SGCZ: variants seen among roughly 807,000 people sequenced by gnomAD.
The protein encoded by SGCZ is sarcoglycan zeta.
A neutral mutation model predicts 41.3 loss-of-function variants in SGCZ; 40 were observed. That is an observed-to-expected ratio of 0.97 (90% CI 0.75 to 1.26). The LOEUF is 1.26. SGCZ is among the 50% of genes most tolerant of loss of function. The pLI is 0.00. For missense variants in SGCZ, 552 were observed against 369.8 expected (o/e 1.49, Z -4.04); for synonymous variants, 206 against 137.5 (o/e 1.50, Z -3.49).
At chr8:14,476,965 A>G (rs1801380006) in intron 2 of SGCZ, among the ~76,000 whole-genome samples, 1 of 152,184 alleles carries the variant, frequency 6.6e-6, no homozygotes, top group African/African-American at 2.4e-5. Flanking sequence ...GGCTGTAACC[A>G]TACTTGCTAT....
intron 2 of SGCZ, among the ~76,000 whole-genome samples, chr8:14,338,339 C>T (rs1372429849): frequency 6.6e-6 from 1 of 152,164 alleles, no homozygotes; most frequent in East Asian, 1.9e-4. Flanking sequence ...GCATCCTTGT[C>T]AGCAGAATAA....
chr8:14,868,822 T>C (rs890816923), intron 1 of SGCZ, among the ~76,000 whole-genome samples: 1 of 151,906 alleles, frequency 6.6e-6, no homozygotes, highest in South Asian at 2.1e-4. Flanking sequence ...TCTACGCAAA[T>C]AAATTTGAAA....
chr8:14,935,670 A>G (rs1380668077), intron 1 of SGCZ, among the ~76,000 whole-genome samples: 1 of 151,918 alleles, frequency 6.6e-6, no homozygotes, highest in African/African-American at 2.4e-5. Flanking sequence ...AATAAAATAA[A>G]TACAACAAAA....
At chr8:14,372,544 G>A (rs773694640) in intron 2 of SGCZ, among the ~76,000 whole-genome samples, 10 of 152,108 alleles carry the variant, frequency 6.6e-5, no homozygotes, top group African/African-American at 2.4e-4. Flanking sequence ...ATGAATAACA[G>A]AAAGTGGACA....
Position 15,022,139 on chromosome 8 carries a change from T to C in SGCZ, c.39+215446A>G, listed in dbSNP as rs538022452. On this transcript the variant is annotated intron_variant, in intron 1 of 7. Transcript: ENST00000382080. ...TAACAATGATAATTTCAAACTCTTC[T>C]ATCTGTCTTTATATGAATTTCATAT... is the stretch of plus-strand genomic sequence containing the variant. Among the ~76,000 whole-genome samples, 3 of 152,304 alleles carry C rather than the reference T, an allele frequency of 2.0e-5. No individual in the cohort carries two copies. In the East Asian group the frequency reaches 5.8e-4, roughly 29 times the overall value.
chr8:14,353,700 C>G (rs906610132), intron 2 of SGCZ, among the ~76,000 whole-genome samples: 1 of 152,090 alleles, frequency 6.6e-6, no homozygotes, highest in African/African-American at 2.4e-5. Flanking sequence ...AACCTTCTAA[C>G]TGGTCTTCCT....
chr8:15,052,398 G>A (rs568092206), intron 1 of SGCZ, among the ~76,000 whole-genome samples: 10 of 152,304 alleles, frequency 6.6e-5, no homozygotes, highest in African/African-American at 2.4e-4. Context: ...GTGAGTGAGG[G>A]TGGTGGGTGG....
Position 14,375,141 on chromosome 8 carries a change from G to GACAGACAA in SGCZ, c.235-50938_235-50937insTTGTCTGT, listed in dbSNP as rs1488129947. ...AGACAGACAGACAGACAGACAGACA[G>GACAGACAA]ACAGATAGATATTTGGCATGGATTG... On this transcript the variant is annotated intron_variant, in intron 2 of 7. Transcript: ENST00000382080. 6.8e-3 allele frequency among the ~76,000 whole-genome samples: 994 copies of GACAGACAA among 146,464 alleles called. 13 individuals are homozygous for GACAGACAA. The highest frequency in any genetic ancestry group is 0.025 in the African/African-American group (938 of 37,138).
chr8:14,646,636 C>T (rs1187950282), intron 1 of SGCZ, among the ~76,000 whole-genome samples: 1 of 149,530 alleles, frequency 6.7e-6, no homozygotes, highest in Non-Finnish European at 1.5e-5. Context: ...AATTTCTGAA[C>T]TTCTTTCCAC....
At chr8:14,337,181 T>C (rs891652518) in intron 2 of SGCZ, among the ~76,000 whole-genome samples, 2 of 152,106 alleles carry the variant, frequency 1.3e-5, no homozygotes, top group Non-Finnish European at 2.9e-5. Flanking sequence ...ATGGAAGACA[T>C]GCAGAAGCCT....
At chr8:15,208,395 T>C (rs967884828) in intron 1 of SGCZ, among the ~76,000 whole-genome samples, 1 of 152,260 alleles carries the variant, frequency 6.6e-6, no homozygotes, top group African/African-American at 2.4e-5. Flanking sequence ...ATGACTCTTT[T>C]ATATTTAATT....
intron 1 of SGCZ, among the ~76,000 whole-genome samples, chr8:15,187,737 A>G (rs1161532558): frequency 6.6e-6 from 1 of 152,066 alleles, no homozygotes; most frequent in Admixed American, 6.5e-5. Flanking sequence ...AACTATAGCC[A>G]TAAGGTTTTT....
intron 1 of SGCZ, among the ~76,000 whole-genome samples, chr8:14,573,430 C>T (rs1408703214): frequency 6.6e-6 from 1 of 151,822 alleles, no homozygotes; most frequent in South Asian, 2.1e-4. Flanking sequence ...CCTCGTGATC[C>T]GCCCGCCTCG....
chr8:14,616,893 G>A (rs1806123114), intron 1 of SGCZ, among the ~76,000 whole-genome samples: 1 of 152,082 alleles, frequency 6.6e-6, no homozygotes, highest in East Asian at 1.9e-4. Context: ...TAAAAATTTA[G>A]TTGGAAAGTT....
At chr8:15,151,132 G>C (rs1244842121) in intron 1 of SGCZ, among the ~76,000 whole-genome samples, 1 of 152,224 alleles carries the variant, frequency 6.6e-6, no homozygotes, top group Non-Finnish European at 1.5e-5. Flanking sequence ...TGTCTATTCA[G>C]AGGACTACTG....
chr8:14,357,768 G>A (rs984861144), intron 2 of SGCZ, among the ~76,000 whole-genome samples: 2 of 152,136 alleles, frequency 1.3e-5, no homozygotes, highest in Non-Finnish European at 2.9e-5. Context: ...TGAGAAAATT[G>A]AGGCTAAGGG....
chr8:14,814,557 A>G (rs1213814497), intron 1 of SGCZ, among the ~76,000 whole-genome samples: 1 of 152,222 alleles, frequency 6.6e-6, no homozygotes. Context: ...TCATAGCCAA[A>G]GAAATAATTG....
intron 2 of SGCZ, among the ~76,000 whole-genome samples, chr8:14,514,560 C>T (rs1277831375): frequency 6.6e-6 from 1 of 151,066 alleles, no homozygotes; most frequent in Non-Finnish European, 1.5e-5. Flanking sequence ...TGAATTTTCT[C>T]ATGTTCCCTC....
chr8:14,444,776 A>G (rs1271656783), intron 2 of SGCZ, among the ~76,000 whole-genome samples: 1 of 152,156 alleles, frequency 6.6e-6, no homozygotes, highest in African/African-American at 2.4e-5. Context: ...ACTAACCGGC[A>G]TATTGGGCAC....
Sources: allele counts gnomAD v4.1 joint callset (sites outside exome capture counted in the v4.1 genomes callset), GRCh38; gene constraint gnomAD v4.1.1; transcripts MANE v1.5; gene names NCBI Gene and HGNC (gene_info 2026-07-23, HGNC 2026-07-21).